The following PCED1B variants were observed in gnomAD, a reference collection of about 807,000 sequenced individuals.
PCED1B encodes PC-esterase domain-containing protein 1B.
For missense variants in PCED1B, 573 were observed against 573.9 expected (o/e 1.00, Z 0.02); for synonymous variants, 251 against 246.1 (o/e 1.02, Z -0.19).
chr12:47,235,583 G>T lies in PCED1B; in HGVS notation c.520G>T (p.Gly174Trp), dbSNP rs751416285. The T allele has an allele frequency of 6.2e-7, 1 of 1,608,596 alleles. No individual in the cohort carries two copies. Among genetic ancestry groups the T allele is most frequent in the South Asian group, 1.1e-5 (1 of 90,478 alleles). Residue 174 changes from glycine to tryptophan, a missense_variant, in exon 4 of 4, where the codon GGG becomes TGG. Transcript: ENST00000546455. ...CATGCCTGTGGGCGAGGAAGTCACC[G>T]GGGGTTTTCTTCCGCCCAAGCTCCG... ...TAMPVGEEVT[G>W]GFLPPKLRRQ...
intron 1 of PCED1B, among the ~76,000 whole-genome samples, chr12:47,089,938 G>A (rs1322664513): frequency 2.0e-5 from 3 of 151,954 alleles, no homozygotes; most frequent in Non-Finnish European, 2.9e-5. Context: ...ATGCCCAGCT[G>A]ATTTTTGTAT....
intron 2 of PCED1B, among the ~76,000 whole-genome samples, chr12:47,120,869 T>C (rs1939648349): frequency 6.6e-6 from 1 of 152,142 alleles, no homozygotes; most frequent in South Asian, 2.1e-4. Context: ...GAAAACATTA[T>C]GCTAAGTGGA....
chr12:47,086,013 G>T (rs965968159), intron 1 of PCED1B, among the ~76,000 whole-genome samples: 2 of 152,146 alleles, frequency 1.3e-5, no homozygotes, highest in African/African-American at 4.8e-5. Context: ...TTTACTGAGC[G>T]CCCACTGTGT....
At chr12:47,220,164 A>G (rs1943434475) in intron 3 of PCED1B, among the ~76,000 whole-genome samples, 1 of 151,212 alleles carries the variant, frequency 6.6e-6, no homozygotes, top group African/African-American at 2.4e-5. Flanking sequence ...TAGGCAATTT[A>G]TTTATTTATT....
intron 2 of PCED1B, among the ~76,000 whole-genome samples, chr12:47,171,891 TTCTTCC>T (rs1941753613): frequency 6.9e-6 from 1 of 144,066 alleles, no homozygotes; most frequent in African/African-American, 2.9e-5. Context: ...CTTCTTCTTC[TTCTTCC>T]TCTTCTTCCT....
chr12:47,131,609 C>T (rs1940128394), intron 2 of PCED1B, among the ~76,000 whole-genome samples: 2 of 151,406 alleles, frequency 1.3e-5, no homozygotes, highest in Non-Finnish European at 2.9e-5. Flanking sequence ...GGGTTTTCTC[C>T]ATGGATCATT....
chr12:47,119,209 T>C (rs1202976306), intron 2 of PCED1B, among the ~76,000 whole-genome samples: 1 of 152,048 alleles, frequency 6.6e-6, no homozygotes. Context: ...TAAATAAATA[T>C]ATTTACCTCA....
intron 2 of PCED1B, among the ~76,000 whole-genome samples, chr12:47,127,494 G>A (rs908389029): frequency 6.7e-6 from 1 of 148,676 alleles, no homozygotes; most frequent in South Asian, 2.1e-4. Flanking sequence ...TCACCCTCCC[G>A]AGTAGCTGGG....
chr12:47,165,619 T>C (rs2137526494), intron 2 of PCED1B, among the ~76,000 whole-genome samples: 1 of 152,360 alleles, frequency 6.6e-6, no homozygotes, highest in East Asian at 1.9e-4. Context: ...TATAGGCTTT[T>C]ATTACTAACT....
At chr12:47,165,957 T>G (rs1303817442) in intron 2 of PCED1B, among the ~76,000 whole-genome samples, 1 of 152,232 alleles carries the variant, frequency 6.6e-6, no homozygotes, top group Non-Finnish European at 1.5e-5. Context: ...TTCTTTAGGC[T>G]ACATCTGAGA....
At chr12:47,162,777 T>C (rs1229047029) in intron 2 of PCED1B, among the ~76,000 whole-genome samples, 3 of 152,246 alleles carry the variant, frequency 2.0e-5, no homozygotes, top group Non-Finnish European at 2.9e-5. Flanking sequence ...TCTACGACCA[T>C]GACCCTAATA....
chr12:47,116,271 CT>C (rs151097864), intron 2 of PCED1B, among the ~76,000 whole-genome samples: 3,464 of 152,258 alleles, frequency 0.023, 107 homozygotes, highest in East Asian at 0.076. Context: ...AAGCTCTGTC[CT>C]CACCAATAAT....
intron 1 of PCED1B, among the ~76,000 whole-genome samples, chr12:47,094,751 T>C (rs1938408115): frequency 6.6e-6 from 1 of 152,176 alleles, no homozygotes; most frequent in African/African-American, 2.4e-5. Context: ...CTACATATAT[T>C]TTATACTACA....
chr12:47,164,284 T>A (rs974776480), intron 2 of PCED1B, among the ~76,000 whole-genome samples: 1 of 152,200 alleles, frequency 6.6e-6, no homozygotes, highest in Non-Finnish European at 1.5e-5. Flanking sequence ...AATTTTTTTT[T>A]AAAACTTATT....
At chr12:47,201,147 G>A (rs1371774219) in intron 2 of PCED1B, among the ~76,000 whole-genome samples, 2 of 152,104 alleles carry the variant, frequency 1.3e-5, no homozygotes, top group Non-Finnish European at 2.9e-5. Flanking sequence ...AAAGGGGAGG[G>A]GGGGAGTCTA....
chr12:47,152,556 T>C (rs1362237509), intron 2 of PCED1B, among the ~76,000 whole-genome samples: 1 of 152,248 alleles, frequency 6.6e-6, no homozygotes, highest in Non-Finnish European at 1.5e-5. Context: ...AATTAAATTT[T>C]AGAGCATAAA....
intron 2 of PCED1B, among the ~76,000 whole-genome samples, chr12:47,206,826 C>T (rs559475272): frequency 2.6e-5 from 4 of 152,104 alleles, no homozygotes; most frequent in South Asian, 2.1e-4. Flanking sequence ...GTAGATCTGA[C>T]GGTAGTTACA....
intron 1 of PCED1B, among the ~76,000 whole-genome samples, chr12:47,083,445 A>G (rs886471636): frequency 3.3e-5 from 5 of 152,074 alleles, no homozygotes; most frequent in Non-Finnish European, 4.4e-5. Context: ...TCTGGCGGGC[A>G]GCACTCTTAA....
intron 2 of PCED1B, among the ~76,000 whole-genome samples, chr12:47,200,909 T>A (rs1015810813): frequency 1.3e-5 from 2 of 152,360 alleles, no homozygotes; most frequent in African/African-American, 4.8e-5. Context: ...TCCCCAGTGT[T>A]CTAAAAAACA....
Sources: gnomAD v4.1 joint callset for allele counts (sites outside exome capture counted in the v4.1 genomes callset) on GRCh38, gnomAD v4.1.1 for gene constraint, MANE v1.5 for transcripts, NCBI Gene and HGNC (gene_info 2026-07-23, HGNC 2026-07-21) for gene names.